Variants in GABBR2 observed in about 807,000 individuals in gnomAD.
GABBR2 encodes G-protein coupled receptor 51.
A neutral mutation model predicts 105.6 loss-of-function variants in GABBR2; 23 were observed. That is an observed-to-expected ratio of 0.22 (90% CI 0.16 to 0.31). The LOEUF (loss-of-function observed/expected upper bound fraction) is 0.31, where lower values mean the gene tolerates loss of function less well. Among genes scored for constraint, GABBR2 ranks in the 10% least tolerant of loss-of-function variants. The pLI is 1.00. For missense variants in GABBR2, 734 were observed against 1,245.5 expected (o/e 0.59, Z 6.18); for synonymous variants, 478 against 499.7 (o/e 0.96, Z 0.58).
intron 13 of GABBR2, among the ~76,000 whole-genome samples, chr9:98,356,587 T>G (rs963391917): frequency 2.6e-5 from 4 of 152,250 alleles, no homozygotes; most frequent in African/African-American, 7.2e-5. Flanking sequence ...ATAGTCACTT[T>G]GGAAGACGGT....
chr9:98,613,279 C>A (rs1281251212), intron 1 of GABBR2, among the ~76,000 whole-genome samples: 1 of 152,014 alleles, frequency 6.6e-6, no homozygotes, highest in East Asian at 1.9e-4. Flanking sequence ...TCTCTATAAA[C>A]ATTTTTAAAA....
At chr9:98,607,326 T>G in intron 1 of GABBR2, 1 of 778,680 alleles carries the variant, frequency 1.3e-6, no homozygotes, top group Non-Finnish European at 2.3e-6. Context: ...ACTTCATTGC[T>G]CCTTCAGGAC....
In GABBR2 at chr9:98,367,310, A is replaced by T. The variant is rs187248146; in HGVS notation, c.1770+4154T>A. On this transcript the variant is annotated intron_variant, in intron 12 of 18. Transcript: ENST00000259455. ...GTATATATGTCAGTAAAAAAAAAAA[A>T]AAAAATAAGGGGGCCACTAAAAAAA... Among the ~76,000 whole-genome samples the T allele has an allele frequency of 2.7e-3, 404 of 151,312 alleles. 4 individuals are homozygous for T. The highest frequency in any genetic ancestry group is 4.4e-3 in the Admixed American group (67 of 15,276).
At chr9:98,393,176 AT>A in intron 9 of GABBR2, among the ~76,000 whole-genome samples, 1 of 144,304 alleles carries the variant, frequency 6.9e-6, no homozygotes, top group African/African-American at 2.6e-5. Flanking sequence ...CCATCCATCC[AT>A]CCATCCATCT....
chr9:98,318,162 T>G (rs1830751851), intron 13 of GABBR2, among the ~76,000 whole-genome samples: 1 of 152,188 alleles, frequency 6.6e-6, no homozygotes, highest in African/African-American at 2.4e-5. Context: ...CTCGATAATG[T>G]GAGCACAAAG....
At chr9:98,327,422 T>C (rs1465341496) in intron 13 of GABBR2, among the ~76,000 whole-genome samples, 2 of 151,978 alleles carry the variant, frequency 1.3e-5, no homozygotes, top group African/African-American at 2.4e-5. Context: ...CTCCTTAGAA[T>C]AGGTAGGTAT....
At chr9:98,644,579 T>G (rs1252482742) in intron 1 of GABBR2, among the ~76,000 whole-genome samples, 1 of 152,204 alleles carries the variant, frequency 6.6e-6, no homozygotes, top group Non-Finnish European at 1.5e-5. Context: ...TGGTGGCTCA[T>G]GCCTGTAATC....
chr9:98,669,089 T>C (rs1352084979), intron 1 of GABBR2, among the ~76,000 whole-genome samples: 1 of 152,124 alleles, frequency 6.6e-6, no homozygotes, highest in African/African-American at 2.4e-5. Flanking sequence ...GATTCAATGG[T>C]AATTCTATGT....
chr9:98,398,322 A>T (rs1157279978), intron 8 of GABBR2, among the ~76,000 whole-genome samples: 2 of 149,728 alleles, frequency 1.3e-5, no homozygotes, highest in Non-Finnish European at 2.9e-5. Flanking sequence ...CAATTCTAGG[A>T]CCCACCCCCC....
At chr9:98,405,593 G>T (rs2131528877) in intron 8 of GABBR2, among the ~76,000 whole-genome samples, 1 of 152,262 alleles carries the variant, frequency 6.6e-6, no homozygotes, top group Non-Finnish European at 1.5e-5. Context: ...TTGGTTCCAG[G>T]ATCCCTTGAG....
chr9:98,346,034 G>A (rs1831297906), intron 13 of GABBR2, among the ~76,000 whole-genome samples: 1 of 152,232 alleles, frequency 6.6e-6, no homozygotes, highest in Admixed American at 6.5e-5. Context: ...AGCCTTCAGT[G>A]AGTGGTAATC....
intron 1 of GABBR2, among the ~76,000 whole-genome samples, chr9:98,704,919 G>A (rs1287809853): frequency 1.3e-5 from 2 of 150,312 alleles, no homozygotes; most frequent in East Asian, 3.9e-4. Context: ...CTGCAGTCTG[G>A]CTTGAGCAAG....
intron 15 of GABBR2, chr9:98,304,387 C>T (rs1016451147): frequency 6.6e-6 from 1 of 152,404 alleles, no homozygotes. Flanking sequence ...AGCCCAACAT[C>T]AGAAACCTGA....
At chr9:98,350,719 T>C (rs760223656) in intron 13 of GABBR2, among the ~76,000 whole-genome samples, 7 of 152,226 alleles carry the variant, frequency 4.6e-5, no homozygotes, top group Non-Finnish European at 1.0e-4. Context: ...TCTGTAGCCA[T>C]TGGATGAAAC....
At chr9:98,593,906 C>T (rs1829186540) in intron 1 of GABBR2, among the ~76,000 whole-genome samples, 1 of 152,152 alleles carries the variant, frequency 6.6e-6, no homozygotes, top group Non-Finnish European at 1.5e-5. Flanking sequence ...TGGTCACTCC[C>T]CCACCTGACA....
At chr9:98,375,384 T>C (rs958818081) in intron 11 of GABBR2, 1 of 152,190 alleles carries the variant, frequency 6.6e-6, no homozygotes, top group Non-Finnish European at 1.5e-5. Context: ...GACTTCTGCC[T>C]TCAAGCATGT....
At chr9:98,345,269 G>C (rs942380146) in intron 13 of GABBR2, among the ~76,000 whole-genome samples, 1 of 152,164 alleles carries the variant, frequency 6.6e-6, no homozygotes, top group African/African-American at 2.4e-5. Flanking sequence ...TCACCGTGCA[G>C]CCAGGGCAAA....
At chr9:98,606,857 G>A (rs569578465) in intron 1 of GABBR2, 2 of 501,374 alleles carry the variant, frequency 4.0e-6, no homozygotes, top group African/African-American at 1.9e-5. Context: ...CTGCTGAGGA[G>A]AGAAGCGTCC....
intron 2 of GABBR2, among the ~76,000 whole-genome samples, chr9:98,577,228 A>ATGGTTAGGCGAATGGAAGGG (rs769775744): frequency 6.6e-6 from 1 of 151,132 alleles, no homozygotes; most frequent in Admixed American, 6.6e-5. Context: ...GGATGGATGG[A>ATGGTTAGGCGAATGGAAGGG]GCAAAAAAGT....
Sources: allele counts gnomAD v4.1 joint callset (sites outside exome capture counted in the v4.1 genomes callset), GRCh38; gene constraint gnomAD v4.1.1; transcripts MANE v1.5; gene names NCBI Gene and HGNC (gene_info 2026-07-23, HGNC 2026-07-21).